Variants in DEUP1 observed in about 807,000 individuals in gnomAD.
The protein encoded by DEUP1 is coiled-coil domain containing 67.
Under a neutral mutation model 87.4 loss-of-function variants are expected in DEUP1, and 82 were observed. The ratio of observed to expected loss-of-function variants is 0.94; its 90% CI spans 0.78 to 1.13. DEUP1 has a LOEUF of 1.13. Ranked by LOEUF, DEUP1 falls within the 50% of genes most tolerant of loss-of-function variation. The probability of loss-of-function intolerance (pLI) is 0.00; values close to 1 mark genes in which losing one functional copy is unlikely to be tolerated. For synonymous variants in DEUP1, 214 were observed against 222.7 expected, an observed-to-expected ratio of 0.96 and a Z score of 0.35; for missense variants, 663 against 681.5, an observed-to-expected ratio of 0.97 and a Z score of 0.30.
At chr11:93,429,000 T>C (rs1373699798) in intron 13 of DEUP1, among the ~76,000 whole-genome samples, 2 of 152,200 alleles carry the variant, frequency 1.3e-5, no homozygotes, top group African/African-American at 4.8e-5. Flanking sequence ...ACCATTCATA[T>C]GTTTATTGGC....
At chr11:93,394,380 C>G in intron 9 of DEUP1, 79 bp from the exon 10 acceptor site, 1 of 1,056,034 alleles carries the variant, frequency 9.5e-7, no homozygotes, top group Non-Finnish European at 1.3e-6. Flanking sequence ...AATAGAAGGA[C>G]TGAACATGGC....
chr11:93,427,780 A>G (rs993293665), intron 13 of DEUP1, among the ~76,000 whole-genome samples: 2 of 45,712 alleles, frequency 4.4e-5, no homozygotes, highest in Admixed American at 7.9e-4. Flanking sequence ...AATTTACAAG[A>G]AAAAAACAAA....
upstream of DEUP1, chr11:93,330,129 G>A (rs746205710): frequency 4.6e-5 from 7 of 152,220 alleles, no homozygotes; most frequent in Non-Finnish European, 1.0e-4. Context: ...AGGAACCAGG[G>A]GCTGAGCGGT....
intron 2 of DEUP1, among the ~76,000 whole-genome samples, chr11:93,351,820 A>G (rs1256647754): frequency 1.3e-5 from 2 of 152,224 alleles, no homozygotes; most frequent in African/African-American, 2.4e-5. Flanking sequence ...ATCATATTGA[A>G]TAAACCAAAG....
chr11:93,397,243 A>G (rs1397058433), intron 11 of DEUP1, among the ~76,000 whole-genome samples: 1 of 152,180 alleles, frequency 6.6e-6, no homozygotes, highest in African/African-American at 2.4e-5. Context: ...TGTTCTCATA[A>G]TGGTCCATAT....
intron 12 of DEUP1, among the ~76,000 whole-genome samples, chr11:93,411,426 A>G (rs529391835): frequency 2.6e-5 from 4 of 152,344 alleles, no homozygotes; most frequent in African/African-American, 9.6e-5. Context: ...AGGAAGACTT[A>G]TATAATACAT....
At chr11:93,388,297 C>T (rs1451434360) in intron 8 of DEUP1, among the ~76,000 whole-genome samples, 2 of 152,140 alleles carry the variant, frequency 1.3e-5, no homozygotes, top group African/African-American at 2.4e-5. Flanking sequence ...ACAGACTCCT[C>T]CAGAATAGTC....
chr11:93,380,636 C>G (rs766872109), intron 7 of DEUP1, among the ~76,000 whole-genome samples: 12 of 152,064 alleles, frequency 7.9e-5, no homozygotes, highest in Non-Finnish European at 7.4e-5. Flanking sequence ...ATCTCCTGAC[C>G]TTGTGATCCA....
chr11:93,436,297 T>A (rs533798402), intron 13 of DEUP1, among the ~76,000 whole-genome samples: 1 of 152,322 alleles, frequency 6.6e-6, no homozygotes, highest in East Asian at 1.9e-4. Context: ...TTCCATGTGA[T>A]AGTCTTTGGA....
At chr11:93,375,791 G>A (rs1946007592) in intron 7 of DEUP1, among the ~76,000 whole-genome samples, 1 of 152,054 alleles carries the variant, frequency 6.6e-6, no homozygotes, top group South Asian at 2.1e-4. Flanking sequence ...GGGTGATACT[G>A]GCTTCACAGA....
rs1241186899 is a variant in DEUP1 at position 93,385,420 on chromosome 11, A to G, written c.812A>G (p.Glu271Gly). ...QCQAMEAGLS[E>G]VKSELQSRDD... ...CAGGCCATGGAAGCAGGTCTCTCAG[A>G]GGTAAAAAGTGAGTTACAGTCACGT... The change falls in exon 8 of 14, where the codon GAG becomes GGG. Residue 271 changes from glutamate (E) to glycine (G), a missense_variant. Coordinates refer to ENST00000298050, the MANE Select transcript of DEUP1 (RefSeq NM_181645.4). 50 of 1,613,074 alleles carry G rather than the reference A, an allele frequency of 3.1e-5. No individual in the cohort carries two copies. The highest frequency in any genetic ancestry group is 3.8e-5 in the Non-Finnish European group (45 of 1,179,660).
At chr11:93,348,155 C>T (rs112632512) in intron 2 of DEUP1, among the ~76,000 whole-genome samples, 1,857 of 152,186 alleles carry the variant, frequency 0.012, 38 homozygotes, top group African/African-American at 0.043. Flanking sequence ...TATTCTCTGA[C>T]GGTTATTTGT....
At position 93,408,256 on chromosome 11, in the gene DEUP1, A is replaced by G; in HGVS notation, c.1352A>G (p.Gln451Arg). The G allele has an allele frequency of 6.3e-7, 1 of 1,579,328 alleles. No homozygotes were observed. The highest frequency in any genetic ancestry group is 1.8e-5 in the Admixed American group (1 of 54,586). The change falls in exon 12 of 14, where the codon CAG (glutamine) becomes CGG (arginine). Residue 451 changes from glutamine to arginine, a missense_variant. By Grantham distance (43) the Gln-to-Arg change is conservative. Transcript: ENST00000298050. ...AGTATGGACTTCACTAACAGGGAAC[A>G]GTCAAGGCATACATCTATTAATAAA... ...YMSMDFTNRE[Q>R]SRHTSINKLQ... is the part of the protein sequence containing the mutation.
intron 11 of DEUP1, 31 bp downstream of exon 11, chr11:93,396,356 A>G: frequency 1.5e-6 from 2 of 1,318,520 alleles, no homozygotes; most frequent in Non-Finnish European, 2.1e-6. Flanking sequence ...AATAAATTGA[A>G]CAAAGAGATT....
chr11:93,382,589 A>G (rs1310495730), intron 7 of DEUP1, among the ~76,000 whole-genome samples: 1 of 152,160 alleles, frequency 6.6e-6, no homozygotes, highest in Non-Finnish European at 1.5e-5. Context: ...CTGTGGCAAC[A>G]CTATATTTTA....
chr11:93,412,759 A>G (rs1413981035), intron 12 of DEUP1, among the ~76,000 whole-genome samples: 1 of 152,190 alleles, frequency 6.6e-6, no homozygotes, highest in Non-Finnish European at 1.5e-5. Context: ...CAAAAGGTTC[A>G]GCTAAAGATT....
rs200137702 is a variant in DEUP1 at position 93,401,484 on chromosome 11, CA to C, written c.1326+5162del. On this transcript the variant is annotated intron_variant, in intron 11 of 13. Coordinates refer to ENST00000298050, the MANE Select transcript of DEUP1 (RefSeq NM_181645.4). ...GCAAACACAGAAGACCCTGAATAGC[CA>C]AAGAAATCCTAAGTAGAAAGAACAA... is the stretch of plus-strand genomic sequence containing the variant. Among the ~76,000 whole-genome samples, 1,077 of 151,930 alleles carry C rather than the reference CA, an allele frequency of 7.1e-3. 27 individuals are homozygous for C. In the East Asian group the frequency reaches 0.075, roughly 11 times the overall value.
intron 12 of DEUP1, among the ~76,000 whole-genome samples, chr11:93,409,400 C>G (rs188396476): frequency 6.6e-6 from 1 of 152,256 alleles, no homozygotes; most frequent in African/African-American, 2.4e-5. Flanking sequence ...AGTCATAAGT[C>G]TCTGAAAGCC....
rs1946885101 is a variant in DEUP1, at chr11:93,394,794, G to A, written c.1239+138G>A. The A allele has an allele frequency of 9.2e-6, 6 of 654,842 alleles. No homozygotes were observed. In the East Asian group the frequency reaches 1.4e-4, roughly 15 times the overall value. 40.6% of individuals were successfully genotyped at this position (654,842 alleles called of 1,614,324 possible). A position where few individuals can be genotyped will look rare whatever the true frequency, so the allele number is the denominator to read the frequency against. On this transcript the variant is annotated intron_variant, in intron 10 of 13. Coordinates refer to ENST00000298050, the MANE Select transcript of DEUP1 (RefSeq NM_181645.4). Reference sequence around the variant, plus strand: ...ACTAGCTTCACAGAAATGCTTTGTGGTGTTACATAAAACCTTTCAGAGATA... The same window carrying A: ...ACTAGCTTCACAGAAATGCTTTGTGATGTTACATAAAACCTTTCAGAGATA...
Sources: gnomAD v4.1 joint callset for allele counts (sites outside exome capture counted in the v4.1 genomes callset) on GRCh38, gnomAD v4.1.1 for gene constraint, MANE v1.5 for transcripts, NCBI Gene and HGNC (gene_info 2026-07-23, HGNC 2026-07-21) for gene names.